The following RBFOX1 variants were observed in gnomAD, a reference collection of about 807,000 sequenced individuals.
The protein encoded by RBFOX1 is RNA binding protein fox-1 homolog 1.
In RBFOX1, 8 loss-of-function variants were observed where a neutral mutation model predicts 57.7. That is an observed-to-expected ratio of 0.14 (90% CI 0.08 to 0.25). The LOEUF is 0.25. Among genes scored for constraint, RBFOX1 ranks in the 10% least tolerant of loss-of-function variants. The probability of loss-of-function intolerance (pLI) is 1.00; values close to 1 mark genes in which losing one functional copy is unlikely to be tolerated. For synonymous variants in RBFOX1, 326 were observed against 222.4 expected (o/e 1.47, Z -4.15); for missense variants, 611 against 548.5 (o/e 1.11, Z -1.14).
At chr16:5,516,076 T>C (rs1481461710) in intron 2 of RBFOX1, among the ~76,000 whole-genome samples, 1 of 152,204 alleles carries the variant, frequency 6.6e-6, no homozygotes, top group Non-Finnish European at 1.5e-5. Flanking sequence ...ATATTCCCGC[T>C]TCTGGCTGGG....
chr16:5,872,720 A>G (rs376471081), intron 4 of RBFOX1, among the ~76,000 whole-genome samples: 3 of 152,162 alleles, frequency 2.0e-5, no homozygotes, highest in African/African-American at 7.2e-5. Flanking sequence ...TGGGTGACAG[A>G]GCTAGACCCT....
At chr16:5,786,452 A>T (rs919420541) in intron 3 of RBFOX1, among the ~76,000 whole-genome samples, 1 of 152,258 alleles carries the variant, frequency 6.6e-6, no homozygotes, top group Non-Finnish European at 1.5e-5. Flanking sequence ...TGCAGAGTTG[A>T]AATAGTGACA....
At chr16:6,516,928 C>G (rs1401734101) in intron 2 of RBFOX1, among the ~76,000 whole-genome samples, 1 of 152,186 alleles carries the variant, frequency 6.6e-6, no homozygotes, top group Non-Finnish European at 1.5e-5. Flanking sequence ...CCTGGGAAAA[C>G]TAACCGCTTT....
chr16:6,829,514 T>C (rs1313483655), intron 3 of RBFOX1, among the ~76,000 whole-genome samples: 2 of 151,450 alleles, frequency 1.3e-5, no homozygotes, highest in Non-Finnish European at 2.9e-5. Context: ...CGTTAACTTA[T>C]AGGTACTTAG....
chr16:5,699,286 C>A (rs893561547), intron 3 of RBFOX1, among the ~76,000 whole-genome samples: 1 of 151,426 alleles, frequency 6.6e-6, no homozygotes, highest in Admixed American at 6.6e-5. Context: ...TCACCTCAGT[C>A]TTTTAAAAAG....
At chr16:7,394,432 T>A (rs2098106874) in intron 4 of RBFOX1, among the ~76,000 whole-genome samples, 1 of 151,900 alleles carries the variant, frequency 6.6e-6, no homozygotes, top group Non-Finnish European at 1.5e-5. Context: ...CCTCCCCTAA[T>A]GGCCATATGG....
intron 4 of RBFOX1, among the ~76,000 whole-genome samples, chr16:7,303,097 C>T (rs1383609400): frequency 1.3e-5 from 2 of 152,214 alleles, no homozygotes; most frequent in African/African-American, 2.4e-5. Context: ...CCAGTCGCCC[C>T]GAGCTGGCAC....
At chr16:6,213,308 C>G (rs190415958) in intron 1 of RBFOX1, among the ~76,000 whole-genome samples, 17 of 152,118 alleles carry the variant, frequency 1.1e-4, no homozygotes, top group African/African-American at 4.1e-4. Flanking sequence ...GAGGTATCAG[C>G]TCAGCTGATC....
chr16:6,559,173 A>G (rs949353081), intron 2 of RBFOX1, among the ~76,000 whole-genome samples: 1 of 130,042 alleles, frequency 7.7e-6, no homozygotes, highest in Admixed American at 7.0e-5. Context: ...TTGTGTGTAC[A>G]TATATATATA....
intron 2 of RBFOX1, among the ~76,000 whole-genome samples, chr16:6,366,197 A>T (rs2089584038): frequency 6.6e-6 from 1 of 152,028 alleles, no homozygotes; most frequent in South Asian, 2.1e-4. Flanking sequence ...GTATAAATAA[A>T]ATTCTGGAAG....
chr16:6,785,141 A>G (rs2081714686), intron 3 of RBFOX1, among the ~76,000 whole-genome samples: 1 of 152,138 alleles, frequency 6.6e-6, no homozygotes, highest in African/African-American at 2.4e-5. Context: ...ATATAGTGTT[A>G]TATTTCATTT....
intron 4 of RBFOX1, among the ~76,000 whole-genome samples, chr16:7,199,316 G>C (rs548653800): frequency 7.7e-6 from 1 of 130,640 alleles, no homozygotes; most frequent in South Asian, 2.3e-4. Flanking sequence ...GATCCACTGA[G>C]TGTTTAAAGG....
chr16:7,117,651 A>G (rs2066203251), intron 4 of RBFOX1, among the ~76,000 whole-genome samples: 1 of 152,252 alleles, frequency 6.6e-6, no homozygotes, highest in Non-Finnish European at 1.5e-5. Flanking sequence ...TTTACGCTGC[A>G]TAGCACATTA....
At chr16:7,172,573 A>C (rs370025573) in intron 4 of RBFOX1, among the ~76,000 whole-genome samples, 2 of 152,090 alleles carry the variant, frequency 1.3e-5, no homozygotes, top group Admixed American at 6.5e-5. Flanking sequence ...TGTAATTAGC[A>C]TTCCTGTTGT....
intron 4 of RBFOX1, among the ~76,000 whole-genome samples, chr16:7,457,569 G>C (rs1003275610): frequency 1.6e-4 from 25 of 152,150 alleles, no homozygotes; most frequent in African/African-American, 6.0e-4. Context: ...GGAGCTCTTT[G>C]ATGCTCTGTT....
Position 5,964,294 on chromosome 16 carries a change from G to A in RBFOX1, c.351+96959G>A, listed in dbSNP as rs140763644. Among the ~76,000 whole-genome samples the A allele has an allele frequency of 2.3e-3, 355 of 152,272 alleles. 1 individual carries two copies. Among genetic ancestry groups the A allele is most frequent in the Non-Finnish European group, 3.9e-3 (263 of 68,022 alleles). Reference sequence around the variant, plus strand: ...AAAGACAACTCTTAGGCACTTGTTGGTGGGAATGTAAATTGGTACAGCCAT... The same window carrying A: ...AAAGACAACTCTTAGGCACTTGTTGATGGGAATGTAAATTGGTACAGCCAT... On this transcript the variant is annotated intron_variant, in intron 4 of 19. Coordinates refer to the RBFOX1 transcript ENST00000641259.
chr16:6,297,296 G>C (rs1309561028), intron 1 of RBFOX1, among the ~76,000 whole-genome samples: 2 of 152,058 alleles, frequency 1.3e-5, no homozygotes, highest in East Asian at 3.9e-4. Context: ...AGCCCAGTAG[G>C]TCTCAGCCTC....
chr16:7,288,772 T>C (rs564644035), intron 4 of RBFOX1, among the ~76,000 whole-genome samples: 40 of 152,346 alleles, frequency 2.6e-4, no homozygotes, highest in African/African-American at 9.6e-4. Flanking sequence ...ACCCAGGGGA[T>C]GGAGGTTACA....
intron 4 of RBFOX1, among the ~76,000 whole-genome samples, chr16:7,164,078 A>G (rs2078944562): frequency 6.6e-6 from 1 of 152,142 alleles, no homozygotes; most frequent in Non-Finnish European, 1.5e-5. Context: ...AAAGCAGTGT[A>G]CACTGTACCC....
Sources: gnomAD v4.1 joint callset for allele counts (sites outside exome capture counted in the v4.1 genomes callset) on GRCh38, gnomAD v4.1.1 for gene constraint, MANE v1.5 for transcripts, NCBI Gene and HGNC (gene_info 2026-07-23, HGNC 2026-07-21) for gene names.